KCTD16: variants seen among roughly 807,000 people sequenced by gnomAD.
KCTD16 encodes potassium channel tetramerization domain containing 16.
In KCTD16, 13 loss-of-function variants were observed where a neutral mutation model predicts 33.2. That is an observed-to-expected ratio of 0.39 (90% CI 0.25 to 0.62). KCTD16 has a LOEUF of 0.62. Among genes scored for constraint, KCTD16 ranks in the 20% least tolerant of loss-of-function variants. KCTD16 has a pLI of 0.50. For synonymous variants in KCTD16, 197 were observed against 195.3 expected, an observed-to-expected ratio of 1.01 and a Z score of -0.07; for missense variants, 441 against 525.1, an observed-to-expected ratio of 0.84 and a Z score of 1.57.
rs1348119760 is a variant in KCTD16, at chr5:144,485,337, T to C, written c.*11223T>C. The C allele has an allele frequency of 5.3e-5, 8 of 151,896 alleles. No individual in the cohort carries two copies. Among genetic ancestry groups the C allele is most frequent in the Admixed American group, 2.0e-4 (3 of 15,218 alleles). 9.4% of individuals were successfully genotyped at this position (151,896 alleles called of 1,614,324 possible). A position where few individuals can be genotyped will look rare whatever the true frequency, so the allele number is the denominator to read the frequency against. On this transcript the variant is annotated 3_prime_UTR_variant, in exon 4 of 4. Transcript: ENST00000512467. Reference sequence around the variant, plus strand: ...ATATCTATGTATGCAATATCTACACTGCGAATTACTACCATCTATTCTCAC... The same window carrying C: ...ATATCTATGTATGCAATATCTACACCGCGAATTACTACCATCTATTCTCAC...
intron 3 of KCTD16, among the ~76,000 whole-genome samples, chr5:144,370,801 T>A (rs1751950509): frequency 6.6e-6 from 1 of 152,106 alleles, no homozygotes; most frequent in African/African-American, 2.4e-5. Flanking sequence ...TCCATTGTAT[T>A]TCAGAAACAA....
At chr5:144,291,171 CA>C (rs1286534155) in intron 3 of KCTD16, among the ~76,000 whole-genome samples, 1 of 152,170 alleles carries the variant, frequency 6.6e-6, no homozygotes, top group African/African-American at 2.4e-5. Flanking sequence ...GACATGGGTT[CA>C]AGCATGCCCT....
At chr5:144,215,754 T>C (rs890196095) in intron 3 of KCTD16, among the ~76,000 whole-genome samples, 2 of 152,260 alleles carry the variant, frequency 1.3e-5, no homozygotes, top group African/African-American at 4.8e-5. Flanking sequence ...CCTCTGGGAA[T>C]ACTGGCATGG....
At chr5:144,359,218 G>A (rs1751647252) in intron 3 of KCTD16, among the ~76,000 whole-genome samples, 1 of 152,180 alleles carries the variant, frequency 6.6e-6, no homozygotes, top group African/African-American at 2.4e-5. Context: ...CAGCCTCCCA[G>A]AATGTTTCTC....
intron 3 of KCTD16, among the ~76,000 whole-genome samples, chr5:144,338,479 A>G (rs1022679970): frequency 6.6e-6 from 1 of 152,214 alleles, no homozygotes; most frequent in Non-Finnish European, 1.5e-5. Context: ...GTGCATATGG[A>G]TCATAGTAGA....
intron 3 of KCTD16, among the ~76,000 whole-genome samples, chr5:144,314,633 A>T (rs963738570): frequency 1.3e-5 from 2 of 152,136 alleles, no homozygotes; most frequent in Non-Finnish European, 2.9e-5. Flanking sequence ...GGATGTCAGG[A>T]TTATGTATAA....
intron 3 of KCTD16, among the ~76,000 whole-genome samples, chr5:144,281,108 G>A (rs768246740): frequency 9.9e-5 from 15 of 151,912 alleles, no homozygotes; most frequent in Admixed American, 3.3e-4. Context: ...CGTGAACCTG[G>A]CAGGCGGAGG....
chr5:144,433,125 C>T (rs890710013), intron 3 of KCTD16, among the ~76,000 whole-genome samples: 1 of 152,058 alleles, frequency 6.6e-6, no homozygotes, highest in African/African-American at 2.4e-5. Context: ...CATCACAAAC[C>T]GAAATACCTA....
intron 2 of KCTD16, among the ~76,000 whole-genome samples, chr5:144,188,681 T>A (rs781777942): frequency 3.1e-4 from 47 of 152,226 alleles, no homozygotes; most frequent in Non-Finnish European, 6.3e-4. Flanking sequence ...GTGATCCAAA[T>A]ATACATGAAG....
At chr5:144,339,467 C>T (rs1173917549) in intron 3 of KCTD16, among the ~76,000 whole-genome samples, 1 of 152,082 alleles carries the variant, frequency 6.6e-6, no homozygotes, top group African/African-American at 2.4e-5. Flanking sequence ...TTGCCCTTGC[C>T]CAAGCTTTCA....
At chr5:144,456,522 C>A (rs367909024) in intron 3 of KCTD16, among the ~76,000 whole-genome samples, 1 of 152,096 alleles carries the variant, frequency 6.6e-6, no homozygotes, top group Non-Finnish European at 1.5e-5. Context: ...CTAAACTAAA[C>A]TCATTAGGGC....
At chr5:144,448,623 A>C (rs1269221164) in intron 3 of KCTD16, among the ~76,000 whole-genome samples, 1 of 152,130 alleles carries the variant, frequency 6.6e-6, no homozygotes, top group East Asian at 1.9e-4. Context: ...CAGTTGCATT[A>C]AAACAGCATT....
chr5:144,467,884 A>T (rs866786727), intron 3 of KCTD16, among the ~76,000 whole-genome samples: 1 of 152,038 alleles, frequency 6.6e-6, no homozygotes, highest in Middle Eastern at 3.4e-3. Context: ...CAGGACTGGG[A>T]TTTGGGTTAA....
intron 2 of KCTD16, among the ~76,000 whole-genome samples, chr5:144,203,800 G>A (rs11950104): frequency 0.048 from 7,241 of 152,234 alleles, 491 homozygotes; most frequent in African/African-American, 0.15. Context: ...TATTTATTTT[G>A]TTGTCATGGT....
intron 3 of KCTD16, among the ~76,000 whole-genome samples, chr5:144,444,796 C>G (rs1017262994): frequency 9.9e-5 from 15 of 150,962 alleles, no homozygotes; most frequent in African/African-American, 3.4e-4. Context: ...GTCGTCTATT[C>G]CAGATTGATA....
chr5:144,446,420 G>T (rs1181524540), intron 3 of KCTD16, among the ~76,000 whole-genome samples: 1 of 152,044 alleles, frequency 6.6e-6, no homozygotes, highest in Non-Finnish European at 1.5e-5. Context: ...ATGGAATAAA[G>T]ATTTAAATGT....
intron 3 of KCTD16, among the ~76,000 whole-genome samples, chr5:144,261,167 CAAAAAAAAAAA>C (rs1299878040): frequency 1.3e-5 from 1 of 78,076 alleles, no homozygotes; most frequent in Admixed American, 1.5e-4. Context: ...GGAACAACAA[CAAAAAAAAAAA>C]AAAAAAGAAA....
At chr5:144,280,519 T>A (rs546012292) in intron 3 of KCTD16, among the ~76,000 whole-genome samples, 1 of 152,332 alleles carries the variant, frequency 6.6e-6, no homozygotes, top group East Asian at 1.9e-4. Context: ...TAGTGATAAA[T>A]TCTGATATTG....
Position 144,473,960 on chromosome 5 carries a change from T to G in KCTD16, c.1133T>G (p.Met378Arg). The G allele has an allele frequency of 6.2e-7, 1 of 1,613,500 alleles. No homozygotes were observed. The highest frequency in any genetic ancestry group is 8.5e-7 in the Non-Finnish European group (1 of 1,179,884). The change falls in exon 4 of 4, where the codon ATG (methionine) becomes AGG (arginine). Residue 378 changes from methionine (M) to arginine (R), a missense_variant. By Grantham distance (91) the Met-to-Arg change is moderately conservative. Coordinates refer to ENST00000512467, the MANE Select transcript of KCTD16 (RefSeq NM_020768.4). ...ACTTCAGGCTCCAGGGAATCGAACA[T>G]GAGCAGCAAAAAAAAAGCTGTTAAA... ...TLTSGSRESNMSSKKKAVKEK... is the reference protein window; with the variant it reads ...TLTSGSRESNRSSKKKAVKEK...
Sources: allele counts gnomAD v4.1 joint callset (sites outside exome capture counted in the v4.1 genomes callset), GRCh38; gene constraint gnomAD v4.1.1; transcripts MANE v1.5; gene names NCBI Gene and HGNC (gene_info 2026-07-23, HGNC 2026-07-21).